The following PPIH variants were observed in gnomAD, a reference collection of about 807,000 sequenced individuals.
The protein encoded by PPIH is peptidylprolyl isomerase H.
Under a neutral mutation model 27.6 loss-of-function variants are expected in PPIH, and 16 were observed. The observed-to-expected ratio is 0.58, with a 90% CI of 0.39 to 0.88. The LOEUF (loss-of-function observed/expected upper bound fraction) is 0.88, where lower values mean the gene tolerates loss of function less well. PPIH is among the 40% of genes least tolerant of loss of function. PPIH has a pLI of 0.00. For synonymous variants in PPIH, 63 were observed against 76.1 expected (o/e 0.83, Z 0.90); for missense variants, 155 against 224.1 (o/e 0.69, Z 1.97).
At chr1:42,678,488 C>T (rs1649951247), downstream of PPIH, among the ~76,000 whole-genome samples, 1 of 152,226 alleles carries the variant, frequency 6.6e-6, no homozygotes, top group African/African-American at 2.4e-5. Flanking sequence ...CAACCTCCAC[C>T]TCCCAGGTTC....
downstream of PPIH, among the ~76,000 whole-genome samples, chr1:42,677,339 C>T (rs150453488): frequency 2.0e-5 from 3 of 152,086 alleles, no homozygotes; most frequent in Non-Finnish European, 4.4e-5. Context: ...GCTTGGGGCA[C>T]GTACCTGTAA....
downstream of PPIH, among the ~76,000 whole-genome samples, chr1:42,677,320 A>G (rs1290409168): frequency 6.6e-6 from 1 of 151,714 alleles, no homozygotes; most frequent in Non-Finnish European, 1.5e-5. Context: ...CTAAAAATAA[A>G]TTAGCTGGGC....
downstream of PPIH, among the ~76,000 whole-genome samples, chr1:42,680,972 T>A (rs748085910): frequency 3.9e-5 from 6 of 152,144 alleles, no homozygotes; most frequent in Admixed American, 1.3e-4. Context: ...GAATTGACAT[T>A]TAGAGGGTTT....
At chr1:42,673,002 G>GT (rs201021222) in intron 9 of PPIH, among the ~76,000 whole-genome samples, 69 of 140,090 alleles carry the variant, frequency 4.9e-4, no homozygotes, top group South Asian at 4.6e-4. Context: ...TTCTGGGAGA[G>GT]TTTTTTTTTT....
Position 42,664,894 on chromosome 1 carries a change from G to C in PPIH, c.275G>C (p.Arg92Pro). The change falls in exon 6 of 10, where the codon CGG becomes CCG. Residue 92 changes from arginine to proline, a missense_variant. Arg to Pro is a moderately radical substitution (Grantham distance 103, BLOSUM62 -2). This residue lies in a region of PPIH where 96 missense variants were observed against 175.3 expected (regional missense o/e 0.55). Transcript: ENST00000304979. ...GDGTGVASIYRGPFADENFKL... is the reference protein window; with the variant it reads ...GDGTGVASIYPGPFADENFKL... ...GGTACTGGAGTCGCCAGTATTTACCGGGGGCCATTTGCAGATGAAAATTTT... is the reference window on the plus strand; with the variant it reads ...GGTACTGGAGTCGCCAGTATTTACCCGGGGCCATTTGCAGATGAAAATTTT... 1 of 1,613,394 alleles carries C rather than the reference G, an allele frequency of 6.2e-7. No homozygotes were observed. The highest frequency in any genetic ancestry group is 2.2e-5 in the East Asian group (1 of 44,840).
Position 42,664,140 on chromosome 1 carries a change from A to C in PPIH, c.244-723A>C, listed in dbSNP as rs868850826. Among the ~76,000 whole-genome samples, 14 of 152,320 alleles carry C rather than the reference A, an allele frequency of 9.2e-5. No individual in the cohort carries two copies. The South Asian group carries it at 2.9e-3, about 32-fold the overall frequency. On this transcript the variant is annotated intron_variant, in intron 5 of 9. Coordinates refer to ENST00000304979, the MANE Select transcript of PPIH (RefSeq NM_006347.4). ...ATAAAGGGAGTGTTTCATGGAACTAAAGGAAGAAATAGAACTAGGAACTAG... is the reference window on the plus strand; with the variant it reads ...ATAAAGGGAGTGTTTCATGGAACTACAGGAAGAAATAGAACTAGGAACTAG...
At chr1:42,664,662 C>T (rs1056360757) in intron 5 of PPIH, among the ~76,000 whole-genome samples, 1 of 152,118 alleles carries the variant, frequency 6.6e-6, no homozygotes, top group Non-Finnish European at 1.5e-5. Context: ...ATGCTCCAGC[C>T]AGTCTTTGTG....
intron 5 of PPIH, among the ~76,000 whole-genome samples, chr1:42,664,545 G>A (rs967336628): frequency 2.6e-5 from 4 of 152,286 alleles, no homozygotes; most frequent in Non-Finnish European, 5.9e-5. Flanking sequence ...CTTCAGGAAT[G>A]GCAAGGATTG....
chr1:42,662,021 C>T (rs1240019421), intron 5 of PPIH, among the ~76,000 whole-genome samples: 2 of 152,198 alleles, frequency 1.3e-5, no homozygotes, highest in African/African-American at 4.8e-5. Flanking sequence ...ACGTTGCCTG[C>T]TCCTGTGGGC....
chr1:42,660,709 C>T lies in PPIH; in HGVS notation c.201-153C>T, dbSNP rs535202068. On this transcript the variant is annotated intron_variant, in intron 4 of 9. Transcript: ENST00000304979. ...CCTCCCAAACTGCTGGGATTACAGGCGTGAGCTACCGCACCCAGCTAAGAG... is the reference window on the plus strand; with the variant it reads ...CCTCCCAAACTGCTGGGATTACAGGTGTGAGCTACCGCACCCAGCTAAGAG... 3.3e-5 allele frequency among the ~76,000 whole-genome samples: 5 copies of T among 152,284 alleles called. No homozygotes were observed. In the South Asian group the frequency reaches 8.3e-4, roughly 25 times the overall value.
rs537789829 is a variant in PPIH, at chr1:42,669,257, C to T, written c.*21+1817C>T. Among the ~76,000 whole-genome samples, 191 of 151,692 alleles carry T rather than the reference C, an allele frequency of 1.3e-3. 1 individual carries two copies. The highest frequency in any genetic ancestry group is 4.3e-3 in the African/African-American group (178 of 41,354). On this transcript the variant is annotated intron_variant, in intron 9 of 9. Transcript: ENST00000304979. ...CAGTGCAGGCTGAGCATCCCTAATCCGAAATCCCAAATGCTCCAAAATATG... is the reference window on the plus strand; with the variant it reads ...CAGTGCAGGCTGAGCATCCCTAATCTGAAATCCCAAATGCTCCAAAATATG...
At chr1:42,658,680 C>T in intron 1 of PPIH, 164 bp from the exon 2 acceptor site, 1 of 1,111,174 alleles carries the variant, frequency 9.0e-7, no homozygotes. Context: ...GGAGTCTCCC[C>T]AATCCTAGCG....
At chr1:42,676,943 C>G (rs1649911681), downstream of PPIH, among the ~76,000 whole-genome samples, 1 of 151,984 alleles carries the variant, frequency 6.6e-6, no homozygotes. Flanking sequence ...TTGTAGCAAA[C>G]CTAACTCTCT....
intron 5 of PPIH, among the ~76,000 whole-genome samples, chr1:42,662,749 A>C (rs1649109783): frequency 6.6e-6 from 1 of 152,200 alleles, no homozygotes; most frequent in South Asian, 2.1e-4. Context: ...TAAATCACCA[A>C]ATGAATTACC....
downstream of PPIH, among the ~76,000 whole-genome samples, chr1:42,680,350 T>C (rs996031709): frequency 2.0e-5 from 3 of 152,240 alleles, no homozygotes; most frequent in Non-Finnish European, 4.4e-5. Context: ...AGCAACACTT[T>C]TAACCAATTT....
chr1:42,670,317 T>G (rs1570397968), intron 9 of PPIH, among the ~76,000 whole-genome samples: 1 of 152,230 alleles, frequency 6.6e-6, no homozygotes, highest in Non-Finnish European at 1.5e-5. Context: ...ATTTCTTTGC[T>G]GTAACTAAAG....
Position 42,658,469 on chromosome 1 carries a change from C to A in PPIH, c.23C>A (p.Pro8His). 6.2e-7 allele frequency: 1 copy of A among 1,614,202 alleles called. No individual in the cohort carries two copies. The highest frequency in any genetic ancestry group is 2.2e-5 in the East Asian group (1 of 44,882). MAVANSS[P>H]VNPVVFFDVS... is the part of the protein sequence containing the mutation. ...GCCATGGCGGTGGCAAATTCAAGTC[C>A]TGTTAACCCCGTGGTGTTCTTTGAT... The change falls in exon 1 of 10, where the codon CCT becomes CAT. Residue 8 changes from proline to histidine, a missense_variant. Physicochemically the swap from Pro to His is moderately conservative, Grantham distance 77. Transcript: ENST00000304979.
At chr1:42,679,511 T>G (rs774286435), downstream of PPIH, among the ~76,000 whole-genome samples, 3 of 152,186 alleles carry the variant, frequency 2.0e-5, no homozygotes, top group Non-Finnish European at 4.4e-5. Flanking sequence ...CAGCTTATCC[T>G]CAGGCTCACT....
rs1396731513 is a variant in PPIH, at chr1:42,659,331, C to T, written c.155+80C>T. ...CTGCAGTGAGGGTATCGGTGAACCACCTGCTGGCCTTGAATGATTGCTGGT... is the reference window on the plus strand; with the variant it reads ...CTGCAGTGAGGGTATCGGTGAACCATCTGCTGGCCTTGAATGATTGCTGGT... On this transcript the variant is annotated intron_variant, in intron 3 of 9. Transcript: ENST00000304979. 3 of 1,614,170 alleles carry T rather than the reference C, an allele frequency of 1.9e-6. No homozygotes were observed. In the Admixed American group the frequency reaches 5.0e-5, roughly 27 times the overall value.
Sources: gnomAD v4.1 joint callset for allele counts (sites outside exome capture counted in the v4.1 genomes callset) on GRCh38, gnomAD v4.1.1 for gene constraint, gnomAD v4.1.1 regional missense constraint, MANE v1.5 for transcripts, NCBI Gene and HGNC (gene_info 2026-07-23, HGNC 2026-07-21) for gene names.